Variants in NCKAP5 observed in about 807,000 individuals in gnomAD.
NCKAP5 encodes the protein nck-associated protein 5.
A neutral mutation model predicts 167.0 loss-of-function variants in NCKAP5; 92 were observed. The observed-to-expected ratio is 0.55, with a 90% CI of 0.47 to 0.66. NCKAP5 has a LOEUF of 0.66. NCKAP5 is among the 30% of genes least tolerant of loss of function. The probability of loss-of-function intolerance (pLI) is 0.00; values close to 1 mark genes in which losing one functional copy is unlikely to be tolerated. For synonymous variants in NCKAP5, 891 were observed against 877.4 expected, an observed-to-expected ratio of 1.02 and a Z score of -0.27; for missense variants, 2,378 against 2,315.0, an observed-to-expected ratio of 1.03 and a Z score of -0.56.
At chr2:133,595,572 G>C in the NCKAP5 span, among the ~76,000 whole-genome samples, 1 of 152,048 alleles carries the variant, frequency 6.6e-6, no homozygotes, top group East Asian at 1.9e-4. Flanking sequence ...AGGGGTCTTG[G>C]TGGGGCATGC....
intron 11 of NCKAP5, among the ~76,000 whole-genome samples, chr2:132,823,731 G>T (rs745619957): frequency 1.2e-4 from 18 of 152,100 alleles, no homozygotes; most frequent in Non-Finnish European, 2.6e-4. Flanking sequence ...AATGTAAATA[G>T]CCTAAATGCT....
In NCKAP5 at chr2:132,783,543, C is replaced by T. The variant is rs1002314713; in HGVS notation, c.3268G>A (p.Gly1090Arg). The change falls in exon 14 of 20, where the codon GGA (glycine) becomes AGA (arginine). Residue 1090 changes from glycine (G) to arginine (R), a missense_variant. By Grantham distance (125) the Gly-to-Arg change is moderately radical (BLOSUM62 -2). This residue lies in a region of NCKAP5 where 1,325 missense variants were observed against 1,274.5 expected (regional missense o/e 1.04). Coordinates refer to ENST00000409261, the MANE Select transcript of NCKAP5 (RefSeq NM_207363.3). ...GTGGAGGCGCTATCATTCAATTGTC[C>T]TTTTCTCCCTGGAGATACACTTTTG... Reference protein sequence around the residue: ...SSKSVSPGRKGQLNDSASTPP... With the variant: ...SSKSVSPGRKRQLNDSASTPP... 6.8e-6 allele frequency: 11 copies of T among 1,613,706 alleles called. No individual in the cohort carries two copies. The highest frequency in any genetic ancestry group is 5.0e-5 in the Admixed American group (3 of 59,990).
intron 6 of NCKAP5, among the ~76,000 whole-genome samples, chr2:132,998,833 T>TCC (rs2077689923): frequency 6.6e-6 from 1 of 152,174 alleles, no homozygotes; most frequent in African/African-American, 2.4e-5. Flanking sequence ...TCCCTCTGGT[T>TCC]CAGGCTTGGG....
intron 4 of NCKAP5, among the ~76,000 whole-genome samples, chr2:133,274,660 A>G (rs1222151569): frequency 6.6e-6 from 1 of 152,074 alleles, no homozygotes; most frequent in Non-Finnish European, 1.5e-5. Context: ...TGGAATAGAA[A>G]GAGACCCTAG....
At chr2:132,746,070 T>G (rs1679616487) in intron 16 of NCKAP5, among the ~76,000 whole-genome samples, 1 of 152,020 alleles carries the variant, frequency 6.6e-6, no homozygotes, top group Admixed American at 6.6e-5. Flanking sequence ...AAAAAAGACG[T>G]TGACACATTG....
At chr2:133,411,939 A>G (rs1688797986) in intron 3 of NCKAP5, among the ~76,000 whole-genome samples, 1 of 152,202 alleles carries the variant, frequency 6.6e-6, no homozygotes, top group Admixed American at 6.5e-5. Context: ...TCATCTGAGA[A>G]GAGGCTTCAA....
chr2:133,239,993 C>A lies in NCKAP5; in HGVS notation c.144-26214G>T, dbSNP rs1480459438. Among the ~76,000 whole-genome samples the A allele has an allele frequency of 2.6e-5, 4 of 151,884 alleles. No homozygotes were observed. The East Asian group carries it at 5.8e-4, about 22-fold the overall frequency. ...TTTTTTCAAATAACCCTTACCAAAACTGAAATCATATTTTCTCAAATCATA... is the reference window on the plus strand; with the variant it reads ...TTTTTTCAAATAACCCTTACCAAAAATGAAATCATATTTTCTCAAATCATA... On this transcript the variant is annotated intron_variant, in intron 4 of 19. Coordinates refer to ENST00000409261, the MANE Select transcript of NCKAP5 (RefSeq NM_207363.3).
chr2:133,062,479 C>T (rs1273717830), intron 6 of NCKAP5, among the ~76,000 whole-genome samples: 2 of 152,188 alleles, frequency 1.3e-5, no homozygotes, highest in South Asian at 2.1e-4. Flanking sequence ...CACAAAAGCA[C>T]AGCTTGAAAT....
At chr2:132,807,231 G>T (rs1685509693) in intron 11 of NCKAP5, among the ~76,000 whole-genome samples, 1 of 152,014 alleles carries the variant, frequency 6.6e-6, no homozygotes, top group South Asian at 2.1e-4. Context: ...GTCTTGCTTT[G>T]GCTATGTGGC....
chr2:133,637,775 A>G, the NCKAP5 span, among the ~76,000 whole-genome samples: 3 of 152,146 alleles, frequency 2.0e-5, no homozygotes, highest in Non-Finnish European at 4.4e-5. Context: ...AATTTAACAT[A>G]CATGCGATTA....
chr2:132,705,892 C>CT (rs1452475378), intron 19 of NCKAP5, among the ~76,000 whole-genome samples: 2 of 152,052 alleles, frequency 1.3e-5, no homozygotes, highest in Admixed American at 6.6e-5. Context: ...GAATCTAGGC[C>CT]TTTTTTCCAG....
chr2:132,756,664 A>G (rs963074950), intron 16 of NCKAP5, among the ~76,000 whole-genome samples: 2 of 144,772 alleles, frequency 1.4e-5, no homozygotes, highest in South Asian at 2.2e-4. Context: ...GTTTTGAAGC[A>G]GAATTATAGA....
intron 11 of NCKAP5, among the ~76,000 whole-genome samples, chr2:132,831,423 A>G (rs1013845492): frequency 3.9e-5 from 6 of 152,168 alleles, no homozygotes; most frequent in Non-Finnish European, 7.3e-5. Flanking sequence ...TAAATACTGG[A>G]TATCAATTTT....
At chr2:132,842,501 T>C (rs1408490147) in intron 11 of NCKAP5, among the ~76,000 whole-genome samples, 1 of 152,102 alleles carries the variant, frequency 6.6e-6, no homozygotes, top group Non-Finnish European at 1.5e-5. Flanking sequence ...TTATATTTAT[T>C]TTCTAATACT....
chr2:133,113,489 A>T (rs2081979510), intron 6 of NCKAP5, among the ~76,000 whole-genome samples: 1 of 152,234 alleles, frequency 6.6e-6, no homozygotes, highest in African/African-American at 2.4e-5. Flanking sequence ...ACCCAGGCAC[A>T]AAATGCCAAG....
intron 3 of NCKAP5, among the ~76,000 whole-genome samples, chr2:133,309,434 T>C (rs995302058): frequency 3.9e-5 from 6 of 152,128 alleles, no homozygotes; most frequent in Non-Finnish European, 7.3e-5. Context: ...CTCGTTAGTG[T>C]TCTGATAAAA....
At chr2:132,739,802 T>C (rs1691858455) in intron 16 of NCKAP5, among the ~76,000 whole-genome samples, 1 of 152,202 alleles carries the variant, frequency 6.6e-6, no homozygotes, top group Non-Finnish European at 1.5e-5. Flanking sequence ...ACCAATGTAC[T>C]TGAGGTAGCT....
chr2:132,939,072 A>G (rs909534858), intron 8 of NCKAP5, among the ~76,000 whole-genome samples: 1 of 152,208 alleles, frequency 6.6e-6, no homozygotes, highest in Admixed American at 6.5e-5. Flanking sequence ...ACAAGTAATA[A>G]AGTACAAGGG....
intron 5 of NCKAP5, among the ~76,000 whole-genome samples, chr2:133,179,731 C>A (rs1442243972): frequency 6.6e-6 from 1 of 151,922 alleles, no homozygotes; most frequent in East Asian, 1.9e-4. Flanking sequence ...AATGAGTGGG[C>A]TCAATCGTAG....
Sources: allele counts gnomAD v4.1 joint callset (sites outside exome capture counted in the v4.1 genomes callset), GRCh38; gene constraint gnomAD v4.1.1; regional missense constraint gnomAD v4.1.1; transcripts MANE v1.5; gene names NCBI Gene and HGNC (gene_info 2026-07-23, HGNC 2026-07-21).